Variants in RORC observed in about 807,000 individuals in gnomAD.
RORC encodes the protein nuclear receptor ROR-gamma.
Under a neutral mutation model 64.5 loss-of-function variants are expected in RORC, and 13 were observed. That is an observed-to-expected ratio of 0.20 (90% CI 0.13 to 0.32). RORC has a LOEUF of 0.32. Among genes scored for constraint, RORC ranks in the 10% least tolerant of loss-of-function variants. The pLI, the probability that RORC is intolerant of heterozygous loss-of-function variation, is 1.00. For synonymous variants in RORC, 277 were observed against 259.3 expected, an observed-to-expected ratio of 1.07 and a Z score of -0.65; for missense variants, 468 against 669.5, an observed-to-expected ratio of 0.70 and a Z score of 3.32.
In RORC at chr1:151,806,652, T is replaced by C. The variant is rs544729801; in HGVS notation, c.*820A>G. 3.3e-5 allele frequency: 5 copies of C among 152,376 alleles called. No homozygotes were observed. The East Asian group carries it at 9.6e-4, about 29-fold the overall frequency. 9.4% of individuals were successfully genotyped at this position (152,376 alleles called of 1,614,324 possible). ...AGAGATTGTGTCAGGTTCATGTGTCTCTGGAACTGCATGATTGCTGTTGAG... is the reference window on the plus strand; with the variant it reads ...AGAGATTGTGTCAGGTTCATGTGTCCCTGGAACTGCATGATTGCTGTTGAG... On this transcript the variant is annotated 3_prime_UTR_variant, in exon 11 of 11. Coordinates refer to ENST00000318247, the MANE Select transcript of RORC (RefSeq NM_005060.4).
At chr1:151,811,243 C>CA (rs1429211765) in intron 10 of RORC, 82 bp downstream of exon 10, 2 of 851,120 alleles carry the variant, frequency 2.3e-6, no homozygotes, top group Non-Finnish European at 1.9e-6. Context: ...CCTCTGTACC[C>CA]ACAGACCCCG....
In RORC at chr1:151,817,409, C is replaced by T. The variant is rs181577636; in HGVS notation, c.71-129G>A. 14 of 659,830 alleles carry T rather than the reference C, an allele frequency of 2.1e-5. No homozygotes were observed. The East Asian group carries it at 3.8e-4, about 18-fold the overall frequency. 40.9% of individuals were successfully genotyped at this position (659,830 alleles called of 1,614,324 possible). ...TCCAACCAGCTCCAGCTTGCTGTTTCCCTCTTGCAAAATGGAAGGGGAAGT... is the reference window on the plus strand; with the variant it reads ...TCCAACCAGCTCCAGCTTGCTGTTTTCCTCTTGCAAAATGGAAGGGGAAGT... On this transcript the variant is annotated intron_variant, in intron 2 of 10. Coordinates refer to ENST00000318247, the MANE Select transcript of RORC (RefSeq NM_005060.4).
chr1:151,828,014 A>T lies in RORC; in HGVS notation c.70+1415T>A, dbSNP rs547590458. Reference sequence around the variant, plus strand: ...CCGCTTTCCTCCCGGGGCCCTGCTCAGCATTTCCGTGGGGCCCTGTGGCTA... The same window carrying T: ...CCGCTTTCCTCCCGGGGCCCTGCTCTGCATTTCCGTGGGGCCCTGTGGCTA... On this transcript the variant is annotated intron_variant, in intron 2 of 10. Coordinates refer to ENST00000318247, the MANE Select transcript of RORC (RefSeq NM_005060.4). Among the ~76,000 whole-genome samples, 19 of 146,276 alleles carry T rather than the reference A, an allele frequency of 1.3e-4. No individual in the cohort carries two copies. In the East Asian group the frequency reaches 3.9e-3, roughly 30 times the overall value.
In RORC at chr1:151,816,827, C is replaced by G. The variant is rs1482455567; in HGVS notation, c.157-22G>C. On this transcript the variant is annotated intron_variant, in intron 3 of 10. Transcript: ENST00000318247. ...AGCCCTGGGGAAAGCAGGTGGAGGG[C>G]AAGACTGCTTATCCTGGTCAGGCCC... 4 of 1,510,368 alleles carry G rather than the reference C, an allele frequency of 2.6e-6. No individual in the cohort carries two copies. The East Asian group carries it at 7.2e-5, about 27-fold the overall frequency. The allele number at this position is 1,510,368 out of a possible 1,614,324, so 93.6% of individuals were successfully genotyped here.
chr1:151,818,752 A>G (rs1651869968), intron 2 of RORC, among the ~76,000 whole-genome samples: 1 of 152,164 alleles, frequency 6.6e-6, no homozygotes, highest in Non-Finnish European at 1.5e-5. Flanking sequence ...AAAGGGGCAA[A>G]AGAAGTGGCA....
intron 4 of RORC, 60 bp downstream of exon 4, chr1:151,816,604 G>A: frequency 6.6e-7 from 1 of 1,507,648 alleles, no homozygotes; most frequent in Admixed American, 2.0e-5. Context: ...AGCTCAGCAG[G>A]CCAGGCTGCC....
At chr1:151,813,807 G>A (rs1651636550) in intron 6 of RORC, 187 bp from the exon 7 acceptor site, 4 of 614,204 alleles carry the variant, frequency 6.5e-6, no homozygotes, top group South Asian at 2.1e-5. Flanking sequence ...CACACACTGA[G>A]CACCTACCGG....
At chr1:151,814,531 G>C in intron 6 of RORC, 43 bp downstream of exon 6, 4 of 1,583,162 alleles carry the variant, frequency 2.5e-6, no homozygotes, top group Non-Finnish European at 3.5e-6. Context: ...CTCTCCCGGT[G>C]GGGGTGGGAT....
rs201953038 is a variant in RORC, at chr1:151,813,288, C to A, written c.1125G>T (p.Thr375=). ...CACCGTATTTGCCTTCAAAAAAGAC[C>A]GTGCGGTTGTCAGCATTGTAGGCCC... is the stretch of plus-strand genomic sequence containing the variant. ...MCRAYNADNR[T]VFFEGKYGGM... is the part of the protein sequence containing the mutation. Residue 375 remains threonine (T), a synonymous_variant, in exon 8 of 11, where the codon ACG becomes ACT. Coordinates refer to ENST00000318247, the MANE Select transcript of RORC (RefSeq NM_005060.4). 1.7e-5 allele frequency: 27 copies of A among 1,614,070 alleles called. No individual in the cohort carries two copies. The South Asian group carries it at 2.7e-4, about 16-fold the overall frequency.
intron 6 of RORC, chr1:151,814,085 C>G (rs1572037025): frequency 5.6e-6 from 1 of 177,020 alleles, no homozygotes; most frequent in East Asian, 1.5e-4. Flanking sequence ...GGTTCCACCA[C>G]TTTGTGACTT....
rs576161302 is a variant in RORC, at chr1:151,814,502, G to A, written c.933+72C>T. The A allele has an allele frequency of 5.7e-5, 87 of 1,516,340 alleles. 2 individuals carry two copies. In the South Asian group the frequency reaches 7.0e-4, roughly 12 times the overall value. 93.9% of individuals were successfully genotyped at this position (1,516,340 alleles called of 1,614,324 possible). A position where few individuals can be genotyped will look rare whatever the true frequency, so the allele number is the denominator to read the frequency against. On this transcript the variant is annotated intron_variant, in intron 6 of 10. Coordinates refer to ENST00000318247, the MANE Select transcript of RORC (RefSeq NM_005060.4). The stretch of plus-strand genomic sequence containing the variant: ...GCCCTGCCCCAGGACCCAGTCGTGC[G>A]CAGGTAGCCATCTCTGAACTCTCCC...
Position 151,813,529 on chromosome 1 carries a change from A to C in RORC, c.1025T>G (p.Met342Arg), listed in dbSNP as rs573541072. The C allele has an allele frequency of 6.2e-7, 1 of 1,614,174 alleles. No homozygotes were observed. Among genetic ancestry groups the C allele is most frequent in the South Asian group, 1.1e-5 (1 of 91,074 alleles). Residue 342 changes from methionine to arginine, a missense_variant, in exon 7 of 11, where the codon ATG becomes AGG. Transcript: ENST00000318247. The part of the protein sequence containing the change: ...VEFAKRLSGF[M>R]ELCQNDQIVL... ...AATCTGGTCATTCTGGCAGAGCTCC[A>C]TAAAGCCTGAGAGCCTCTTGGCGAA...
chr1:151,815,138 T>C lies in RORC; in HGVS notation c.586A>G (p.Asn196Asp). The C allele has an allele frequency of 1.9e-6, 3 of 1,614,106 alleles. No individual in the cohort carries two copies. The highest frequency in any genetic ancestry group is 2.5e-6 in the Non-Finnish European group (3 of 1,179,976). The change falls in exon 5 of 11, where the codon AAT becomes GAT. Residue 196 changes from asparagine to aspartate, a missense_variant. Around this residue, in one of 5 missense-constraint regions of RORC, gnomAD observed 241 missense variants for 295.5 expected, o/e 0.82. Transcript: ENST00000318247. ...YSNNLAKAGLNGASCHLEYSP... is the reference protein window; with the variant it reads ...YSNNLAKAGLDGASCHLEYSP... ...TATTCAAGGTGGCATGAGGCCCCAT[T>C]GAGCCCTGCCTTGGCCAAGTTGTTG...
At chr1:151,827,389 G>A (rs1187517086) in intron 2 of RORC, among the ~76,000 whole-genome samples, 2 of 151,596 alleles carry the variant, frequency 1.3e-5, no homozygotes, top group Non-Finnish European at 2.9e-5. Context: ...TGGGGGAGGG[G>A]GGTCCTTCTC....
intron 4 of RORC, among the ~76,000 whole-genome samples, chr1:151,815,696 A>G (rs2101659915): frequency 6.6e-6 from 1 of 152,328 alleles, no homozygotes; most frequent in African/African-American, 2.4e-5. Flanking sequence ...GCAGAATTCA[A>G]GCAATGAGTC....
chr1:151,825,994 C>G lies in RORC; in HGVS notation c.70+3435G>C. The G allele has an allele frequency of 1.9e-6, 3 of 1,609,026 alleles. No homozygotes were observed. The Admixed American group carries it at 5.0e-5, about 27-fold the overall frequency. On this transcript the variant is annotated intron_variant, in intron 2 of 10. Coordinates refer to ENST00000318247, the MANE Select transcript of RORC (RefSeq NM_005060.4). ...CTGTCCTTCTCAGCAGGGGGTGGTC[C>G]AGGAGTGGGGTGCAGCTGGCGGCAG...
At chr1:151,812,107 T>A (rs1437962050) in intron 9 of RORC, 1 of 152,196 alleles carries the variant, frequency 6.6e-6, no homozygotes, top group South Asian at 2.1e-4. Context: ...ATTATAGGCA[T>A]ACAGCCTTAA....
intron 2 of RORC, among the ~76,000 whole-genome samples, chr1:151,817,835 G>A (rs7540027): frequency 0.43 from 65,674 of 152,172 alleles, 14,985 homozygotes; most frequent in Non-Finnish European, 0.52. Context: ...GGGTGAGGGG[G>A]TGGCAGGGAG....
chr1:151,826,184 G>A (rs920372900), intron 2 of RORC: 19 of 940,822 alleles, frequency 2.0e-5, no homozygotes, highest in Non-Finnish European at 2.4e-5. Flanking sequence ...GATGACAGGC[G>A]CCCCACGTGG....
Sources: allele counts gnomAD v4.1 joint callset (sites outside exome capture counted in the v4.1 genomes callset), GRCh38; gene constraint gnomAD v4.1.1; regional missense constraint gnomAD v4.1.1; transcripts MANE v1.5; gene names NCBI Gene and HGNC (gene_info 2026-07-23, HGNC 2026-07-21).